Variants in SPECC1L observed in about 807,000 individuals in gnomAD.
The protein encoded by SPECC1L is cytospin-A.
In SPECC1L, 40 loss-of-function variants were observed where a neutral mutation model predicts 116.8. The ratio of observed to expected loss-of-function variants is 0.34; its 90% CI spans 0.27 to 0.45. The LOEUF (loss-of-function observed/expected upper bound fraction) is 0.45. Among genes scored for constraint, SPECC1L ranks in the 20% least tolerant of loss-of-function variants. The pLI, the probability that SPECC1L is intolerant of heterozygous loss-of-function variation, is 1.00. For missense variants in SPECC1L, 1,110 were observed against 1,373.6 expected (o/e 0.81, Z 3.03); for synonymous variants, 504 against 500.6 (o/e 1.01, Z -0.09).
chr22:24,414,263 C>T (rs1177158843), intron 16 of SPECC1L, among the ~76,000 whole-genome samples: 1 of 152,150 alleles, frequency 6.6e-6, no homozygotes, highest in Non-Finnish European at 1.5e-5. Context: ...AGTTCCTCCG[C>T]CCAGACTGGA....
chr22:24,285,449 GT>G (rs2049022365), intron 2 of SPECC1L, among the ~76,000 whole-genome samples: 2 of 152,150 alleles, frequency 1.3e-5, no homozygotes, highest in Non-Finnish European at 2.9e-5. Context: ...TAACTAATAA[GT>G]AGTGGAGTTG....
chr22:24,390,394 C>G (rs1212516897), intron 14 of SPECC1L, among the ~76,000 whole-genome samples: 1 of 152,048 alleles, frequency 6.6e-6, no homozygotes, highest in Non-Finnish European at 1.5e-5. Flanking sequence ...GGTTTAATTT[C>G]CTCTTCTATA....
At chr22:24,386,067 G>A (rs551248770) in intron 14 of SPECC1L, among the ~76,000 whole-genome samples, 17 of 151,392 alleles carry the variant, frequency 1.1e-4, no homozygotes, top group African/African-American at 3.9e-4. Context: ...TCTAATCAAA[G>A]TAGATGAACA....
At chr22:24,282,647 G>A (rs904331384) in intron 2 of SPECC1L, among the ~76,000 whole-genome samples, 11 of 152,068 alleles carry the variant, frequency 7.2e-5, no homozygotes, top group African/African-American at 1.4e-4. Flanking sequence ...GTTATCCTCT[G>A]TGTGGAGTTT....
At chr22:24,410,707 G>C (rs1401613216) in intron 14 of SPECC1L, among the ~76,000 whole-genome samples, 3 of 152,194 alleles carry the variant, frequency 2.0e-5, no homozygotes, top group African/African-American at 7.2e-5. Flanking sequence ...CCAATGCTCA[G>C]GGGGCCACGT....
chr22:24,342,672 CAAAAA>C (rs35947804), intron 10 of SPECC1L, among the ~76,000 whole-genome samples: 2 of 102,176 alleles, frequency 2.0e-5, no homozygotes, highest in Non-Finnish European at 4.1e-5. Flanking sequence ...GACTCCATCT[CAAAAA>C]AAAAAAAAAA....
chr22:24,415,063 T>C lies in SPECC1L; in HGVS notation c.*440T>C, dbSNP rs957941278. On this transcript the variant is annotated 3_prime_UTR_variant, in exon 17 of 17. Transcript: ENST00000314328. ...TGGCTGGGGTGGGTTCCGGTGCTGG[T>C]GAGAACCCAGAAGGAGAGTCAGCGC... 2.1e-5 allele frequency: 5 copies of C among 241,618 alleles called. No individual in the cohort carries two copies. The highest frequency in any genetic ancestry group is 1.6e-3 in the Middle Eastern group (1 of 624). The allele number at this position is 241,618 out of a possible 1,614,324, so 15.0% of individuals were successfully genotyped here.
At chr22:24,332,489 G>A (rs1359046215) in intron 8 of SPECC1L, among the ~76,000 whole-genome samples, 1 of 152,146 alleles carries the variant, frequency 6.6e-6, no homozygotes, top group Non-Finnish European at 1.5e-5. Flanking sequence ...GTTACTACTT[G>A]TTGCATTTTA....
intron 14 of SPECC1L, among the ~76,000 whole-genome samples, chr22:24,381,537 G>T (rs886573211): frequency 2.6e-5 from 4 of 152,092 alleles, no homozygotes; most frequent in Non-Finnish European, 5.9e-5. Context: ...TTTAGCAGGC[G>T]TATATTTATG....
intron 10 of SPECC1L, among the ~76,000 whole-genome samples, chr22:24,344,218 G>T (rs2041241491): frequency 1.3e-5 from 2 of 151,508 alleles, no homozygotes; most frequent in Admixed American, 1.3e-4. Context: ...CAATATAAAA[G>T]CACACATTAA....
intron 8 of SPECC1L, among the ~76,000 whole-genome samples, chr22:24,333,624 A>AT (rs1186153359): frequency 1.7e-5 from 2 of 119,644 alleles, no homozygotes; most frequent in East Asian, 2.3e-4. Flanking sequence ...TTTTATTTTT[A>AT]TTTTTTTAAA....
At chr22:24,333,829 G>C (rs1194570286) in intron 8 of SPECC1L, among the ~76,000 whole-genome samples, 3 of 151,842 alleles carry the variant, frequency 2.0e-5, no homozygotes, top group Non-Finnish European at 4.4e-5. Flanking sequence ...ATTGATTACT[G>C]ATGTCCTTAC....
rs867684386 is a variant in SPECC1L, at chr22:24,317,079, G to C, written c.307+3613G>C. On this transcript the variant is annotated intron_variant, in intron 4 of 16. Coordinates refer to ENST00000314328, the MANE Select transcript of SPECC1L (RefSeq NM_015330.6). The stretch of plus-strand genomic sequence containing the variant: ...TCCCGGAGGGGGTGGCTGGCCGGGC[G>C]GTGGGGCTGACCCCCCCACCTCCCT... Among the ~76,000 whole-genome samples, 4 of 116,854 alleles carry C rather than the reference G, an allele frequency of 3.4e-5. 1 individual carries two copies. Among genetic ancestry groups the C allele is most frequent in the Non-Finnish European group, 7.7e-5 (4 of 52,136 alleles). 76.7% of individuals were successfully genotyped at this position (116,854 alleles called of 152,430 possible).
At chr22:24,412,613 G>A (rs753117192) in intron 15 of SPECC1L, 35 bp from the exon 16 acceptor site, 4 of 1,610,962 alleles carry the variant, frequency 2.5e-6, no homozygotes, top group Admixed American at 1.7e-5. Context: ...TCTGTGCCTT[G>A]TTCATGCACT....
At chr22:24,330,663 C>T (rs204712) in intron 8 of SPECC1L, among the ~76,000 whole-genome samples, 19 of 152,104 alleles carry the variant, frequency 1.2e-4, no homozygotes, top group Non-Finnish European at 2.2e-4. Flanking sequence ...TGGAGGGAGC[C>T]AGGATGGTCT....
chr22:24,328,554 G>A (rs147044053), intron 6 of SPECC1L, among the ~76,000 whole-genome samples: 1 of 152,220 alleles, frequency 6.6e-6, no homozygotes, highest in African/African-American at 2.4e-5. Context: ...GATTGGTTAT[G>A]TACCAACAAA....
intron 14 of SPECC1L, among the ~76,000 whole-genome samples, chr22:24,397,597 T>TG (rs1245245107): frequency 6.6e-6 from 1 of 152,252 alleles, no homozygotes; most frequent in Non-Finnish European, 1.5e-5. Flanking sequence ...TCACCATTGA[T>TG]GCAGTGGTCT....
At chr22:24,381,266 A>T (rs204719) in intron 14 of SPECC1L, among the ~76,000 whole-genome samples, 152,331 of 152,340 alleles carry the variant, frequency 1, 76,161 homozygotes, top group Non-Finnish European at 1. Flanking sequence ...AAAAATCTCA[A>T]TGTTTTCTGA....
intron 10 of SPECC1L, among the ~76,000 whole-genome samples, chr22:24,345,890 AC>A (rs2146558543): frequency 6.6e-6 from 1 of 152,252 alleles, no homozygotes; most frequent in Non-Finnish European, 1.5e-5. Flanking sequence ...AAAAACATAG[AC>A]AAGCAACGTG....
Sources: gnomAD v4.1 joint callset for allele counts (sites outside exome capture counted in the v4.1 genomes callset) on GRCh38, gnomAD v4.1.1 for gene constraint, MANE v1.5 for transcripts, NCBI Gene and HGNC (gene_info 2026-07-23, HGNC 2026-07-21) for gene names.